CACNA1H: variants seen among roughly 807,000 people sequenced by gnomAD.
The protein encoded by CACNA1H is voltage-dependent T-type calcium channel subunit alpha-1H.
CACNA1H carries 149 observed loss-of-function variants against 192.5 expected under a neutral mutation model. The ratio of observed to expected loss-of-function variants is 0.77; its 90% CI spans 0.68 to 0.89. The LOEUF is 0.89. CACNA1H is among the 40% of genes least tolerant of loss of function. The pLI, the probability that CACNA1H is intolerant of heterozygous loss-of-function variation, is 0.00. For missense variants in CACNA1H, 4,257 were observed against 3,423.5 expected, an observed-to-expected ratio of 1.24 and a Z score of -6.08; for synonymous variants, 2,202 against 1,475.2, an observed-to-expected ratio of 1.49 and a Z score of -11.29.
chr16:1,218,290 C>T lies in CACNA1H; in HGVS notation c.5526C>T (p.Thr1842=), dbSNP rs375175536. ...LPALSPVYFV[T]FVLVAQFVLV... is the part of the protein sequence containing the mutation. ...CCCTGTCGCCCGTCTACTTCGTGACCTTCGTGCTGGTGGCCCAGTTCGTGC... is the reference window on the plus strand; with the variant it reads ...CCCTGTCGCCCGTCTACTTCGTGACTTTCGTGCTGGTGGCCCAGTTCGTGC... Residue 1842 remains threonine (T), a synonymous_variant, in exon 33 of 35, where the codon ACC becomes ACT. Transcript: ENST00000348261. The T allele has an allele frequency of 1.3e-6, 2 of 1,553,518 alleles. No homozygotes were observed. The highest frequency in any genetic ancestry group is 1.4e-5 in the African/African-American group (1 of 73,146).
intron 2 of CACNA1H, among the ~76,000 whole-genome samples, chr16:1,175,701 C>T (rs905766093): frequency 6.6e-6 from 1 of 152,202 alleles, no homozygotes; most frequent in African/African-American, 2.4e-5. Context: ...AGGAGGAGAC[C>T]AGATCTCCTT....
At chr16:1,168,360 C>T (rs997685950) in intron 2 of CACNA1H, among the ~76,000 whole-genome samples, 6 of 152,042 alleles carry the variant, frequency 3.9e-5, no homozygotes, top group South Asian at 2.1e-4. Flanking sequence ...CCATGCAGTC[C>T]GACCACCCAC....
chr16:1,216,655 G>A (rs536450851), intron 30 of CACNA1H, among the ~76,000 whole-genome samples: 122 of 152,356 alleles, frequency 8.0e-4, no homozygotes, highest in Non-Finnish European at 1.4e-3. Flanking sequence ...CTGATGCTCA[G>A]GGGCAGGGCA....
At chr16:1,162,614 G>A (rs761680934) in intron 2 of CACNA1H, among the ~76,000 whole-genome samples, 5 of 149,644 alleles carry the variant, frequency 3.3e-5, no homozygotes, top group South Asian at 2.1e-4. Context: ...TGCCCCGCAC[G>A]GCCAGCTCCT....
chr16:1,184,661 G>A (rs953063119), intron 2 of CACNA1H, among the ~76,000 whole-genome samples: 2 of 152,258 alleles, frequency 1.3e-5, no homozygotes, highest in African/African-American at 4.8e-5. Context: ...TCTGGGGCAT[G>A]TGAGGGCCTT....
intron 2 of CACNA1H, among the ~76,000 whole-genome samples, chr16:1,162,343 C>T (rs1963290944): frequency 6.6e-6 from 1 of 152,156 alleles, no homozygotes; most frequent in Admixed American, 6.5e-5. Context: ...CCCCCAGCAC[C>T]TGCTTGGCCC....
At chr16:1,217,423 GGCCTCA>G (rs1424100988) in intron 31 of CACNA1H, among the ~76,000 whole-genome samples, 2 of 152,186 alleles carry the variant, frequency 1.3e-5, no homozygotes, top group African/African-American at 4.8e-5. Context: ...CCCCCACCCA[GGCCTCA>G]GCCTCGGCCC....
At position 1,213,874 on chromosome 16, in the gene CACNA1H, C is replaced by A. The variant is rs536871228; in HGVS notation, c.4872C>A (p.Thr1624=). The change falls in exon 27 of 35, where the codon ACC becomes ACA. Residue 1624 remains threonine (T), a synonymous_variant. Coordinates refer to ENST00000348261, the MANE Select transcript of CACNA1H (RefSeq NM_021098.3). ...GCCACTATCTCGACCTCTTCATCAC[C>A]TTCATCATCTGTGTCAACGTCATCA... is the stretch of plus-strand genomic sequence containing the variant. The part of the protein sequence containing the change: ...CTSHYLDLFI[T]FIICVNVITM... The A allele has an allele frequency of 3.1e-6, 5 of 1,611,456 alleles. No homozygotes were observed. The highest frequency in any genetic ancestry group is 2.7e-5 in the African/African-American group (2 of 75,020).
Position 1,220,451 on chromosome 16 carries a change from T to TGAGGCC in CACNA1H, c.6523_6528dup (p.Ala2175_Glu2176dup). 6.5e-7 allele frequency: 1 copy of TGAGGCC among 1,539,788 alleles called. No individual in the cohort carries two copies. On this transcript the variant is annotated inframe_insertion, in exon 35 of 35. Coordinates refer to ENST00000348261, the MANE Select transcript of CACNA1H (RefSeq NM_021098.3). ...CTGGGGAGGCGAAGGCCTGGGGCCC[T>TGAGGCC]GAGGCCGAGCCCGCTCTGGGTGCGC... is the stretch of plus-strand genomic sequence containing the variant.
At position 1,215,515 on chromosome 16, in the gene CACNA1H, G is replaced by A. The variant is rs200481928; in HGVS notation, c.5174-8G>A. ...CCAGCCCTGCTGACGCTCAGCTCCC[G>A]GCCCTAGTGCTGAAGCTGCTGAAGA... On this transcript the variant is annotated splice_polypyrimidine_tract_variant and splice_region_variant and intron_variant, in intron 29 of 34. Transcript: ENST00000348261. 3.7e-6 allele frequency: 6 copies of A among 1,610,646 alleles called. No homozygotes were observed. The highest frequency in any genetic ancestry group is 1.7e-5 in the Admixed American group (1 of 59,864).
chr16:1,155,592 G>A (rs1025304852), intron 2 of CACNA1H, among the ~76,000 whole-genome samples: 1 of 152,166 alleles, frequency 6.6e-6, no homozygotes, highest in Non-Finnish European at 1.5e-5. Context: ...AAGGGAAAGA[G>A]TTGAGCAAGC....
At chr16:1,188,642 C>G (rs923240324) in intron 2 of CACNA1H, among the ~76,000 whole-genome samples, 1 of 152,210 alleles carries the variant, frequency 6.6e-6, no homozygotes, top group African/African-American at 2.4e-5. Flanking sequence ...CGGGAGAAAA[C>G]GGCGCCTTCA....
chr16:1,156,221 C>T (rs1202519958), intron 2 of CACNA1H, among the ~76,000 whole-genome samples: 2 of 152,196 alleles, frequency 1.3e-5, no homozygotes, highest in Non-Finnish European at 2.9e-5. Flanking sequence ...GGGGGGTGTC[C>T]CCACTCCAGG....
intron 2 of CACNA1H, among the ~76,000 whole-genome samples, chr16:1,177,781 G>C (rs1355086476): frequency 3.9e-5 from 6 of 152,030 alleles, no homozygotes; most frequent in Non-Finnish European, 8.8e-5. Context: ...GTGGGAGGTG[G>C]AGGGGTCTCT....
intron 2 of CACNA1H, among the ~76,000 whole-genome samples, chr16:1,192,612 G>T (rs748999661): frequency 2.0e-5 from 3 of 152,236 alleles, no homozygotes; most frequent in African/African-American, 7.2e-5. Flanking sequence ...GAACTGCCAG[G>T]GTCAGGCAAG....
At chr16:1,189,616 C>T (rs1250415077) in intron 2 of CACNA1H, among the ~76,000 whole-genome samples, 2 of 151,844 alleles carry the variant, frequency 1.3e-5, no homozygotes, top group Non-Finnish European at 2.9e-5. Flanking sequence ...GCAATGGGGT[C>T]TCACTGTGTT....
chr16:1,158,973 G>C (rs562410626), intron 2 of CACNA1H, among the ~76,000 whole-genome samples: 1 of 152,180 alleles, frequency 6.6e-6, no homozygotes, highest in Admixed American at 6.5e-5. Flanking sequence ...TTCACCGTCC[G>C]TCTGTCGCCC....
rs1424666702 is a variant in CACNA1H, at chr16:1,202,458, G to A, written c.2002+6G>A. ...GCATGTGGTCGGGGAGCATGGTGAG[G>A]ACCCAGCCCCACCCCACGGAGGAGG... On this transcript the variant is annotated splice_donor_region_variant and intron_variant, in intron 9 of 34. Coordinates refer to ENST00000348261, the MANE Select transcript of CACNA1H (RefSeq NM_021098.3). The A allele has an allele frequency of 6.8e-7, 1 of 1,477,986 alleles. No individual in the cohort carries two copies. The highest frequency in any genetic ancestry group is 9.0e-7 in the Non-Finnish European group (1 of 1,110,968). The allele number at this position is 1,477,986 out of a possible 1,614,324, so 91.6% of individuals were successfully genotyped here. A position where few individuals can be genotyped will look rare whatever the true frequency, so the allele number is the denominator to read the frequency against.
At position 1,208,041 on chromosome 16, in the gene CACNA1H, C is replaced by T. The variant is rs920812390; in HGVS notation, c.3183C>T (p.Thr1061=). The change falls in exon 16 of 35, where the codon ACC becomes ACT. Residue 1061 remains threonine (T), a synonymous_variant. Coordinates refer to ENST00000348261, the MANE Select transcript of CACNA1H (RefSeq NM_021098.3). ...TGAAGATGTGTTCCCTGGCCGTGAC[C>T]CCCAACGGGCACCTGGAGGGACGAG... ...TELKMCSLAV[T]PNGHLEGRGS... is the part of the protein sequence containing the mutation. 4.4e-6 allele frequency: 7 copies of T among 1,607,174 alleles called. No homozygotes were observed. In the African/African-American group the frequency reaches 5.3e-5, roughly 12 times the overall value.
Sources: gnomAD v4.1 joint callset for allele counts (sites outside exome capture counted in the v4.1 genomes callset) on GRCh38, gnomAD v4.1.1 for gene constraint, MANE v1.5 for transcripts, NCBI Gene and HGNC (gene_info 2026-07-23, HGNC 2026-07-21) for gene names.